Variants in OR52N4 observed in about 807,000 individuals in gnomAD.
The protein encoded by OR52N4 is olfactory receptor 52N4.
OR52N4 carries 15 observed loss-of-function variants against 15.0 expected under a neutral mutation model. That is an observed-to-expected ratio of 1.00 (90% CI 0.67 to 1.54). The LOEUF is 1.54. Ranked by LOEUF, OR52N4 falls within the 40% of genes most tolerant of loss-of-function variation. OR52N4 has a pLI of 0.00. For synonymous variants in OR52N4, 143 were observed against 143.7 expected, an observed-to-expected ratio of 1.00 and a Z score of 0.03; for missense variants, 421 against 394.0, an observed-to-expected ratio of 1.07 and a Z score of -0.58.
At chr11:5,750,219 C>A (rs1433070142), upstream of OR52N4, among the ~76,000 whole-genome samples, 2 of 151,930 alleles carry the variant, frequency 1.3e-5, no homozygotes, top group Non-Finnish European at 1.5e-5. Flanking sequence ...CTACCTACTT[C>A]TAACACATGG....
upstream of OR52N4, among the ~76,000 whole-genome samples, chr11:5,751,118 G>T (rs1009746951): frequency 1.3e-5 from 2 of 151,956 alleles, no homozygotes; most frequent in African/African-American, 4.8e-5. Context: ...ATCTTGACTT[G>T]AGTGTTTTAG....
chr11:5,747,275 C>A, the OR52N4 span, among the ~76,000 whole-genome samples: 1 of 151,282 alleles, frequency 6.6e-6, no homozygotes, highest in African/African-American at 2.4e-5. Context: ...GGCCAACCAG[C>A]CTTTGCAAAA....
chr11:5,752,612 G>A (rs372970803), upstream of OR52N4, among the ~76,000 whole-genome samples: 2 of 152,104 alleles, frequency 1.3e-5, no homozygotes, highest in South Asian at 4.1e-4. Context: ...AACATATTAC[G>A]TCCTTTAATC....
the OR52N4 span, chr11:5,736,253 C>A: frequency 2.3e-6 from 1 of 441,862 alleles, no homozygotes. Context: ...ACATCTATAT[C>A]AACTTGAAAT....
the OR52N4 span, among the ~76,000 whole-genome samples, chr11:5,730,561 C>T: frequency 1.3e-5 from 2 of 151,836 alleles, no homozygotes; most frequent in African/African-American, 4.8e-5. Flanking sequence ...AAAATCTATC[C>T]ACTGTGATTT....
chr11:5,732,662 C>A, the OR52N4 span, among the ~76,000 whole-genome samples: 1 of 152,196 alleles, frequency 6.6e-6, no homozygotes, highest in Admixed American at 6.5e-5. Flanking sequence ...CACCTTCTTT[C>A]TGTCACTATC....
chr11:5,735,757 C>CAA, the OR52N4 span, among the ~76,000 whole-genome samples: 10 of 152,198 alleles, frequency 6.6e-5, no homozygotes, highest in East Asian at 1.9e-3. Context: ...CATTGAATGG[C>CAA]AATTCCTTCA....
At chr11:5,733,147 G>A in the OR52N4 span, among the ~76,000 whole-genome samples, 1 of 152,116 alleles carries the variant, frequency 6.6e-6, no homozygotes, top group Non-Finnish European at 1.5e-5. Flanking sequence ...TCACATTGCT[G>A]CCATGCCTAA....
upstream of OR52N4, among the ~76,000 whole-genome samples, chr11:5,750,346 C>T (rs1158992195): frequency 3.3e-5 from 5 of 151,836 alleles, no homozygotes; most frequent in Admixed American, 2.0e-4. Context: ...ACACATAATT[C>T]ATTAAGACAT....
the OR52N4 span, chr11:5,737,184 T>A: frequency 1.2e-6 from 2 of 1,613,918 alleles, no homozygotes; most frequent in African/African-American, 2.7e-5. Context: ...CTAAGTCTTA[T>A]TATACTGTCA....
chr11:5,727,657 A>G, the OR52N4 span, among the ~76,000 whole-genome samples: 5,831 of 152,248 alleles, frequency 0.038, 347 homozygotes, highest in African/African-American at 0.13. Context: ...TAAACATGGG[A>G]AGATTCTTGC....
the OR52N4 span, among the ~76,000 whole-genome samples, chr11:5,735,739 T>C: frequency 2.0e-5 from 3 of 152,176 alleles, no homozygotes; most frequent in African/African-American, 4.8e-5. Context: ...TTAACCATGA[T>C]TTTTGAGCAT....
the OR52N4 span, among the ~76,000 whole-genome samples, chr11:5,727,673 G>A: frequency 1.3e-5 from 2 of 152,086 alleles, no homozygotes; most frequent in East Asian, 3.9e-4. Flanking sequence ...CTTGCAACCT[G>A]GGTAACGTGC....
At chr11:5,737,591 T>C in the OR52N4 span, 4 of 1,099,830 alleles carry the variant, frequency 3.6e-6, no homozygotes, top group South Asian at 8.5e-5. Context: ...TGGGATTCCC[T>C]TTTTATATTT....
chr11:5,727,355 C>T, the OR52N4 span: 1 of 152,464 alleles, frequency 6.6e-6, no homozygotes, highest in South Asian at 2.1e-4. Context: ...CTGCTTTTGC[C>T]ACCTGCTCTT....
the OR52N4 span, among the ~76,000 whole-genome samples, chr11:5,741,703 G>A: frequency 6.6e-6 from 1 of 152,158 alleles, no homozygotes; most frequent in Non-Finnish European, 1.5e-5. Flanking sequence ...GAGCTGGATT[G>A]TCTAGTAGTT....
chr11:5,743,855 T>C, the OR52N4 span, among the ~76,000 whole-genome samples: 3 of 151,822 alleles, frequency 2.0e-5, no homozygotes, highest in South Asian at 6.2e-4. Context: ...AACCCAAAGC[T>C]AGGATAAGAA....
the OR52N4 span, among the ~76,000 whole-genome samples, chr11:5,742,131 GAAAA>G: frequency 6.6e-6 from 1 of 150,636 alleles, no homozygotes; most frequent in African/African-American, 2.4e-5. Context: ...GAGAAAGAAA[GAAAA>G]GAAAGAGAGG....
Position 5,755,839 on chromosome 11 carries a change from A to G in OR52N4, c.*133A>G, listed in dbSNP as rs147598827. The G allele has an allele frequency of 1.8e-4, 186 of 1,048,926 alleles. No individual in the cohort carries two copies. The highest frequency in any genetic ancestry group is 7.9e-4 in the East Asian group (31 of 39,060). 65.0% of individuals were successfully genotyped at this position (1,048,926 alleles called of 1,614,324 possible). A position where few individuals can be genotyped will look rare whatever the true frequency, so the allele number is the denominator to read the frequency against. On this transcript the variant is annotated 3_prime_UTR_variant, in exon 2 of 2. Transcript: ENST00000641350. ...GAGTTTGTTAACTGGTGCATTCTCAATAAGTACCTTGGGAATCTCAACATC... is the reference window on the plus strand; with the variant it reads ...GAGTTTGTTAACTGGTGCATTCTCAGTAAGTACCTTGGGAATCTCAACATC...
Sources: allele counts gnomAD v4.1 joint callset (sites outside exome capture counted in the v4.1 genomes callset), GRCh38; gene constraint gnomAD v4.1.1; transcripts MANE v1.5; gene names NCBI Gene and HGNC (gene_info 2026-07-23, HGNC 2026-07-21).